ITGA9: variants seen among roughly 807,000 people sequenced by gnomAD.
The protein encoded by ITGA9 is integrin alpha-9.
A neutral mutation model predicts 127.8 loss-of-function variants in ITGA9; 56 were observed. The ratio of observed to expected loss-of-function variants is 0.44; its 90% CI spans 0.35 to 0.55. The LOEUF (loss-of-function observed/expected upper bound fraction) is 0.55. Ranked by LOEUF, ITGA9 falls within the 20% of genes least tolerant of loss-of-function variation. The probability of loss-of-function intolerance (pLI) is 0.00; values close to 1 mark genes in which losing one functional copy is unlikely to be tolerated. For missense variants in ITGA9, 1,196 were observed against 1,347.1 expected (o/e 0.89, Z 1.76); for synonymous variants, 508 against 514.5 (o/e 0.99, Z 0.17).
At chr3:37,729,766 C>T (rs1374878993) in intron 18 of ITGA9, among the ~76,000 whole-genome samples, 1 of 136,074 alleles carries the variant, frequency 7.3e-6, no homozygotes, top group Non-Finnish European at 1.5e-5. Flanking sequence ...TGCAGTGGTG[C>T]GATCTCGGCT....
intron 1 of ITGA9, among the ~76,000 whole-genome samples, chr3:37,469,766 T>C (rs1221831861): frequency 6.6e-6 from 1 of 152,216 alleles, no homozygotes; most frequent in Admixed American, 6.5e-5. Flanking sequence ...TGCTGTTCAT[T>C]TGTTTTCATT....
chr3:37,612,549 G>A (rs1426085027), intron 15 of ITGA9, among the ~76,000 whole-genome samples: 2 of 152,030 alleles, frequency 1.3e-5, no homozygotes, highest in African/African-American at 4.8e-5. Flanking sequence ...ATTTTATAAT[G>A]GAAGGAAATG....
At chr3:37,738,320 G>T (rs1195320984) in intron 20 of ITGA9, among the ~76,000 whole-genome samples, 1 of 152,212 alleles carries the variant, frequency 6.6e-6, no homozygotes, top group East Asian at 1.9e-4. Flanking sequence ...AGCAACATGG[G>T]CACGGCAGTG....
intron 19 of ITGA9, among the ~76,000 whole-genome samples, chr3:37,733,244 A>G (rs1213737408): frequency 6.6e-6 from 1 of 152,220 alleles, no homozygotes; most frequent in East Asian, 1.9e-4. Context: ...CAAAACATAA[A>G]TACCTGTATC....
chr3:37,704,823 G>A (rs907880928), intron 18 of ITGA9, among the ~76,000 whole-genome samples: 2 of 152,214 alleles, frequency 1.3e-5, no homozygotes, highest in Non-Finnish European at 2.9e-5. Flanking sequence ...TTCCTAGTGT[G>A]CAGAGTACAA....
chr3:37,534,565 C>T (rs1275182900), intron 14 of ITGA9, among the ~76,000 whole-genome samples: 1 of 152,266 alleles, frequency 6.6e-6, no homozygotes, highest in African/African-American at 2.4e-5. Context: ...CTCAAATGTT[C>T]TACCTTATTT....
chr3:37,554,359 G>A (rs1699409185), intron 15 of ITGA9, among the ~76,000 whole-genome samples: 1 of 151,960 alleles, frequency 6.6e-6, no homozygotes, highest in Non-Finnish European at 1.5e-5. Flanking sequence ...TGTCTGAGGA[G>A]GAGCAGGGAG....
intron 15 of ITGA9, among the ~76,000 whole-genome samples, chr3:37,608,138 T>G (rs931130863): frequency 6.6e-6 from 1 of 152,220 alleles, no homozygotes; most frequent in Non-Finnish European, 1.5e-5. Flanking sequence ...TGGGGGCATC[T>G]GTGTACTCTT....
At chr3:37,718,137 G>C (rs1224272535) in intron 18 of ITGA9, among the ~76,000 whole-genome samples, 1 of 152,212 alleles carries the variant, frequency 6.6e-6, no homozygotes, top group African/African-American at 2.4e-5. Flanking sequence ...AGGACACTGA[G>C]GCTACTCAGT....
chr3:37,652,105 G>A (rs1700434747), intron 16 of ITGA9, among the ~76,000 whole-genome samples: 1 of 150,896 alleles, frequency 6.6e-6, no homozygotes, highest in African/African-American at 2.4e-5. Context: ...GGCTTATATA[G>A]TAGAGGGTGG....
At chr3:37,560,280 C>G (rs1266546579) in intron 15 of ITGA9, among the ~76,000 whole-genome samples, 1 of 152,198 alleles carries the variant, frequency 6.6e-6, no homozygotes, top group Non-Finnish European at 1.5e-5. Context: ...AGGACATGAA[C>G]TCATCCTTTT....
intron 1 of ITGA9, among the ~76,000 whole-genome samples, chr3:37,459,901 C>A (rs1698298441): frequency 6.6e-6 from 1 of 152,192 alleles, no homozygotes; most frequent in African/African-American, 2.4e-5. Context: ...CCACTGGCTA[C>A]TCTTGGGGGG....
chr3:37,783,286 A>T (rs867011352), intron 25 of ITGA9, among the ~76,000 whole-genome samples: 3 of 152,130 alleles, frequency 2.0e-5, no homozygotes, highest in African/African-American at 7.2e-5. Flanking sequence ...GGCAATTATC[A>T]TCATCATTAT....
At chr3:37,815,138 T>C (rs1235448795) in intron 27 of ITGA9, among the ~76,000 whole-genome samples, 1 of 152,222 alleles carries the variant, frequency 6.6e-6, no homozygotes, top group African/African-American at 2.4e-5. Flanking sequence ...TGCCTTCACC[T>C]TGTTGTTAGC....
chr3:37,802,135 A>G (rs1326416487), intron 26 of ITGA9, among the ~76,000 whole-genome samples: 1 of 152,202 alleles, frequency 6.6e-6, no homozygotes, highest in Non-Finnish European at 1.5e-5. Context: ...ATCCAGAGCA[A>G]ATATCCTCTC....
chr3:37,793,472 C>A (rs1219818941), intron 26 of ITGA9, among the ~76,000 whole-genome samples: 1 of 151,394 alleles, frequency 6.6e-6, no homozygotes, highest in African/African-American at 2.4e-5. Flanking sequence ...GCACTGTATG[C>A]ATACGTGCCC....
chr3:37,674,258 T>C (rs1040417745), intron 17 of ITGA9, among the ~76,000 whole-genome samples: 1 of 152,234 alleles, frequency 6.6e-6, no homozygotes, highest in Admixed American at 6.5e-5. Context: ...AACTCTCAGA[T>C]ATGGCAGTAG....
At chr3:37,813,976 A>G (rs1172103553) in intron 27 of ITGA9, among the ~76,000 whole-genome samples, 2 of 152,158 alleles carry the variant, frequency 1.3e-5, no homozygotes, top group Non-Finnish European at 2.9e-5. Flanking sequence ...ATATTATTAA[A>G]TTCTGTTTTA....
chr3:37,723,200 A>C (rs1001560443), intron 18 of ITGA9, among the ~76,000 whole-genome samples: 3 of 152,134 alleles, frequency 2.0e-5, no homozygotes, highest in Non-Finnish European at 4.4e-5. Flanking sequence ...ACTTTTTAAA[A>C]ATGTATCCTA....
Sources: gnomAD v4.1 joint callset for allele counts (sites outside exome capture counted in the v4.1 genomes callset) on GRCh38, gnomAD v4.1.1 for gene constraint, MANE v1.5 for transcripts, NCBI Gene and HGNC (gene_info 2026-07-23, HGNC 2026-07-21) for gene names.